CA10: variants seen among roughly 807,000 people sequenced by gnomAD.
CA10 encodes carbonic anhydrase-related protein 10.
A neutral mutation model predicts 44.2 loss-of-function variants in CA10; 14 were observed. The ratio of observed to expected loss-of-function variants is 0.32; its 90% confidence interval spans 0.21 to 0.50. The LOEUF (loss-of-function observed/expected upper bound fraction) is 0.50. Ranked by LOEUF, CA10 falls within the 20% of genes least tolerant of loss-of-function variation. The pLI is 0.99. For missense variants in CA10, 350 were observed against 409.7 expected, an observed-to-expected ratio of 0.85 and a Z score of 1.26; for synonymous variants, 159 against 141.6, an observed-to-expected ratio of 1.12 and a Z score of -0.87.
At chr17:52,029,546 G>T (rs1986401823) in intron 2 of CA10, among the ~76,000 whole-genome samples, 1 of 144,738 alleles carries the variant, frequency 6.9e-6, no homozygotes, top group African/African-American at 2.5e-5. Flanking sequence ...GGCTTAGGAA[G>T]GTTGCTCAAC....
At chr17:51,878,830 A>C in intron 3 of CA10, among the ~76,000 whole-genome samples, 1 of 4,206 alleles carries the variant, frequency 2.4e-4, no homozygotes, top group Non-Finnish European at 3.3e-4. Flanking sequence ...TTTCATGTTC[A>C]TATATATATA....
intron 4 of CA10, among the ~76,000 whole-genome samples, chr17:51,671,777 G>C (rs1362405909): frequency 1.3e-5 from 2 of 152,154 alleles, no homozygotes; most frequent in Non-Finnish European, 2.9e-5. Context: ...TTCTGTTAGT[G>C]GAACGCCCCT....
chr17:51,679,881 C>T (rs1443914477), intron 4 of CA10, among the ~76,000 whole-genome samples: 1 of 152,124 alleles, frequency 6.6e-6, no homozygotes, highest in Non-Finnish European at 1.5e-5. Context: ...GGAAAAAACT[C>T]AAACCAAAAC....
intron 2 of CA10, among the ~76,000 whole-genome samples, chr17:52,026,794 C>T (rs1986315919): frequency 6.6e-6 from 1 of 152,010 alleles, no homozygotes; most frequent in South Asian, 2.1e-4. Context: ...GGCTCCTTCC[C>T]ACAACATATG....
chr17:51,991,549 C>T (rs958613674), intron 2 of CA10, among the ~76,000 whole-genome samples: 1 of 152,136 alleles, frequency 6.6e-6, no homozygotes, highest in Non-Finnish European at 1.5e-5. Context: ...GTGGCTCACA[C>T]CTGTAATCCC....
intron 2 of CA10, among the ~76,000 whole-genome samples, chr17:52,062,885 T>C (rs1987428360): frequency 1.3e-5 from 2 of 152,308 alleles, no homozygotes; most frequent in South Asian, 4.1e-4. Context: ...GCACCACACT[T>C]CAGACACCAG....
At chr17:51,711,782 G>A (rs928654977) in intron 4 of CA10, among the ~76,000 whole-genome samples, 1 of 152,234 alleles carries the variant, frequency 6.6e-6, no homozygotes. Context: ...AAGAAGATCA[G>A]CCTCTGATGC....
At chr17:52,016,914 A>G (rs1223864032) in intron 2 of CA10, among the ~76,000 whole-genome samples, 1 of 152,078 alleles carries the variant, frequency 6.6e-6, no homozygotes, top group Non-Finnish European at 1.5e-5. Context: ...CTCCATCTCA[A>G]AATAAATAAA....
intron 3 of CA10, among the ~76,000 whole-genome samples, chr17:51,753,407 G>T (rs1263947): frequency 0.6 from 90,939 of 152,138 alleles, 28,986 homozygotes; most frequent in Admixed American, 0.73. Flanking sequence ...CTAATAAATG[G>T]GGTCATCTTT....
In CA10 at chr17:51,671,881, C is replaced by A. The variant is rs550507369; in HGVS notation, c.466-18145G>T. On this transcript the variant is annotated intron_variant, in intron 4 of 8. Transcript: ENST00000451037. ...TTGAAATCTTGTAACATTAAAGTAA[C>A]ATTAAAATATGGGCTTGACTGTGCT... Among the ~76,000 whole-genome samples, 25 of 152,226 alleles carry A rather than the reference C, an allele frequency of 1.6e-4. No individual in the cohort carries two copies. The East Asian group carries it at 3.7e-3, about 22-fold the overall frequency.
chr17:52,148,211 C>A (rs1051853924), intron 1 of CA10, among the ~76,000 whole-genome samples: 2 of 152,084 alleles, frequency 1.3e-5, no homozygotes, highest in African/African-American at 4.8e-5. Flanking sequence ...TCTAGTTCAA[C>A]ACACTAACAA....
At chr17:51,726,347 G>A (rs1008438327) in intron 4 of CA10, among the ~76,000 whole-genome samples, 2 of 152,208 alleles carry the variant, frequency 1.3e-5, no homozygotes, top group Non-Finnish European at 2.9e-5. Flanking sequence ...GGAGGAATAA[G>A]TTCAAGAGAT....
Position 51,930,983 on chromosome 17 carries a change from G to A in CA10, c.279+7C>T. ...AACTTTACCATGGAAGCAATATGGT[G>A]GCTTACCTTCCTGCCCCCCGTGTTG... On this transcript the variant is annotated splice_region_variant and intron_variant, in intron 3 of 8. Coordinates refer to ENST00000451037, the MANE Select transcript of CA10 (RefSeq NM_020178.5). The A allele has an allele frequency of 6.2e-7, 1 of 1,612,904 alleles. No homozygotes were observed.
At chr17:51,749,653 C>A (rs1351296546) in intron 3 of CA10, among the ~76,000 whole-genome samples, 1 of 152,242 alleles carries the variant, frequency 6.6e-6, no homozygotes, top group Non-Finnish European at 1.5e-5. Flanking sequence ...CAGTCATCTT[C>A]TTTCTCCTGT....
chr17:51,856,119 G>T (rs1397456683), intron 3 of CA10, among the ~76,000 whole-genome samples: 1 of 152,102 alleles, frequency 6.6e-6, no homozygotes, highest in Non-Finnish European at 1.5e-5. Flanking sequence ...TAGCATTCCC[G>T]ACCTGTCCCC....
chr17:51,809,875 G>C (rs1365166193), intron 3 of CA10, among the ~76,000 whole-genome samples: 1 of 152,192 alleles, frequency 6.6e-6, no homozygotes, highest in Non-Finnish European at 1.5e-5. Context: ...TAATGCAGGG[G>C]CTGCAATAAG....
intron 2 of CA10, among the ~76,000 whole-genome samples, chr17:51,999,793 T>C (rs758403646): frequency 1.3e-5 from 2 of 152,058 alleles, no homozygotes; most frequent in African/African-American, 2.4e-5. Context: ...CTGCTTTACA[T>C]GTGGGCTTCA....
intron 3 of CA10, among the ~76,000 whole-genome samples, chr17:51,925,925 AG>A (rs1260312588): frequency 1.3e-5 from 2 of 152,120 alleles, no homozygotes; most frequent in African/African-American, 4.8e-5. Flanking sequence ...AGAGGTTACC[AG>A]GGGCTGAGGG....
chr17:52,017,443 G>A (rs1986003633), intron 2 of CA10, among the ~76,000 whole-genome samples: 1 of 152,098 alleles, frequency 6.6e-6, no homozygotes, highest in Non-Finnish European at 1.5e-5. Flanking sequence ...TACCCATGTT[G>A]TGTGCTAGCA....
Sources: allele counts gnomAD v4.1 joint callset (sites outside exome capture counted in the v4.1 genomes callset), GRCh38; gene constraint gnomAD v4.1.1; transcripts MANE v1.5; gene names NCBI Gene and HGNC (gene_info 2026-07-23, HGNC 2026-07-21).